The following AKAP10 variants were observed in gnomAD, a reference collection of about 807,000 sequenced individuals.
AKAP10 encodes A-kinase anchoring protein 10.
Under a neutral mutation model 80.8 loss-of-function variants are expected in AKAP10, and 24 were observed. The ratio of observed to expected loss-of-function variants is 0.30; its 90% CI spans 0.22 to 0.42. The LOEUF is 0.42. Among genes scored for constraint, AKAP10 ranks in the 10% least tolerant of loss-of-function variants. The pLI is 1.00. For missense variants in AKAP10, 661 were observed against 794.9 expected (o/e 0.83, Z 2.03); for synonymous variants, 291 against 277.7 (o/e 1.05, Z -0.48).
At chr17:19,943,055 C>T (rs189526609) in intron 5 of AKAP10, among the ~76,000 whole-genome samples, 15 of 152,050 alleles carry the variant, frequency 9.9e-5, no homozygotes, top group Non-Finnish European at 1.8e-4. Flanking sequence ...TTACGCCTGG[C>T]CAATTTTTAA....
intron 11 of AKAP10, among the ~76,000 whole-genome samples, chr17:19,924,076 TAAACTC>T (rs1018431340): frequency 3.9e-5 from 6 of 152,190 alleles, no homozygotes; most frequent in African/African-American, 1.4e-4. Flanking sequence ...ACTTAATTCT[TAAACTC>T]AAAGGAATAC....
intron 4 of AKAP10, among the ~76,000 whole-genome samples, chr17:19,957,708 C>T (rs1257887428): frequency 2.0e-5 from 3 of 151,794 alleles, no homozygotes; most frequent in South Asian, 2.1e-4. Context: ...AAATTAAGAC[C>T]GAGGGAGGAA....
chr17:19,947,826 T>A (rs1372054300), intron 4 of AKAP10, among the ~76,000 whole-genome samples: 1 of 152,208 alleles, frequency 6.6e-6, no homozygotes, highest in Non-Finnish European at 1.5e-5. Context: ...AAACATCAGT[T>A]TGAAGACAGC....
chr17:19,921,688 T>G (rs2042818802), intron 11 of AKAP10, among the ~76,000 whole-genome samples: 1 of 151,800 alleles, frequency 6.6e-6, no homozygotes, highest in East Asian at 1.9e-4. Flanking sequence ...TCAAAAATTT[T>G]TTCAAAAAAA....
intron 4 of AKAP10, among the ~76,000 whole-genome samples, chr17:19,948,699 AAAG>A (rs533612971): frequency 3.9e-5 from 6 of 152,248 alleles, no homozygotes; most frequent in African/African-American, 1.2e-4. Context: ...ACATCACAGA[AAAG>A]AAGGAGCCCA....
At chr17:19,949,760 C>G (rs1242814886) in intron 4 of AKAP10, among the ~76,000 whole-genome samples, 1 of 138,008 alleles carries the variant, frequency 7.2e-6, no homozygotes, top group Admixed American at 7.4e-5. Flanking sequence ...GAAAGAGAGA[C>G]TCTGTCTCAA....
chr17:19,929,909 G>A (rs2042913755), intron 10 of AKAP10, among the ~76,000 whole-genome samples: 1 of 151,614 alleles, frequency 6.6e-6, no homozygotes, highest in African/African-American at 2.4e-5. Flanking sequence ...CCCGGGAGGT[G>A]GAGGTTGCAG....
At chr17:19,951,942 AAATC>A (rs2043220543) in intron 4 of AKAP10, among the ~76,000 whole-genome samples, 1 of 149,772 alleles carries the variant, frequency 6.7e-6, no homozygotes, top group Non-Finnish European at 1.5e-5. Flanking sequence ...AAAAAAGGGG[AAATC>A]AAAGAGGGAG....
chr17:19,932,646 C>T (rs2042948833), intron 9 of AKAP10, among the ~76,000 whole-genome samples: 1 of 152,008 alleles, frequency 6.6e-6, no homozygotes, highest in South Asian at 2.1e-4. Flanking sequence ...ATTGATTTTA[C>T]TTTCAAACTG....
At chr17:19,925,482 G>A (rs1005423623) in intron 10 of AKAP10, among the ~76,000 whole-genome samples, 2 of 152,084 alleles carry the variant, frequency 1.3e-5, no homozygotes, top group Non-Finnish European at 2.9e-5. Flanking sequence ...AGAAAAACCA[G>A]AATTGGTATT....
intron 8 of AKAP10, among the ~76,000 whole-genome samples, chr17:19,938,002 C>T (rs984485890): frequency 1.5e-5 from 2 of 132,052 alleles, no homozygotes; most frequent in Non-Finnish European, 3.1e-5. Context: ...TTTTGAGATG[C>T]AGTCCTCTGC....
intron 10 of AKAP10, among the ~76,000 whole-genome samples, chr17:19,925,301 T>C (rs2042864505): frequency 6.6e-6 from 1 of 152,202 alleles, no homozygotes; most frequent in Non-Finnish European, 1.5e-5. Context: ...CATCCAGAAA[T>C]ATGTATCTTG....
chr17:19,906,521 T>C (rs72841976), intron 14 of AKAP10, among the ~76,000 whole-genome samples: 9,570 of 152,286 alleles, frequency 0.063, 361 homozygotes, highest in African/African-American at 0.096. Context: ...ATGAAAAATA[T>C]TGCCAATTTT....
intron 1 of AKAP10, among the ~76,000 whole-genome samples, chr17:19,974,560 T>C (rs2043541689): frequency 6.6e-6 from 1 of 152,206 alleles, no homozygotes. Context: ...TATACCAGTC[T>C]GGATTCAGGG....
chr17:19,931,235 A>G (rs905607461), intron 10 of AKAP10, among the ~76,000 whole-genome samples: 7 of 152,334 alleles, frequency 4.6e-5, no homozygotes, highest in African/African-American at 9.6e-5. Context: ...GGCTATGAAT[A>G]TATTCCATAT....
chr17:19,964,584 T>G (rs1231230307), intron 2 of AKAP10, among the ~76,000 whole-genome samples: 1 of 151,812 alleles, frequency 6.6e-6, no homozygotes, highest in African/African-American at 2.4e-5. Flanking sequence ...CCTCCTTTGC[T>G]TCCCACCAAA....
chr17:19,912,851 G>C (rs1448113240), intron 12 of AKAP10, among the ~76,000 whole-genome samples: 1 of 152,180 alleles, frequency 6.6e-6, no homozygotes, highest in South Asian at 2.1e-4. Context: ...AGAGGAAGGG[G>C]AGCCGAACTG....
In AKAP10 at chr17:19,905,331, T is replaced by C. The variant is rs991967902; in HGVS notation, c.*896A>G. On this transcript the variant is annotated 3_prime_UTR_variant, in exon 15 of 15. Coordinates refer to ENST00000225737, the MANE Select transcript of AKAP10 (RefSeq NM_007202.4). The stretch of plus-strand genomic sequence containing the variant: ...TCAAATGTTTCTCTCTCCCCAGTCA[T>C]CCTGCTCACCTTATTTAAAAAAAAA... 6 of 151,440 alleles carry C rather than the reference T, an allele frequency of 4.0e-5. No individual in the cohort carries two copies. Among genetic ancestry groups the C allele is most frequent in the Non-Finnish European group, 7.4e-5 (5 of 67,962 alleles). 9.4% of individuals were successfully genotyped at this position (151,440 alleles called of 1,614,324 possible). A position where few individuals can be genotyped will look rare whatever the true frequency, so the allele number is the denominator to read the frequency against.
intron 12 of AKAP10, among the ~76,000 whole-genome samples, chr17:19,913,313 T>C (rs1402553915): frequency 6.6e-6 from 1 of 152,048 alleles, no homozygotes; most frequent in African/African-American, 2.4e-5. Context: ...CCACCATGCC[T>C]GGCTAATTTT....
Sources: allele counts gnomAD v4.1 joint callset (sites outside exome capture counted in the v4.1 genomes callset), GRCh38; gene constraint gnomAD v4.1.1; transcripts MANE v1.5; gene names NCBI Gene and HGNC (gene_info 2026-07-23, HGNC 2026-07-21).